Variants in SIPA1L2 observed in about 807,000 individuals in gnomAD.
SIPA1L2 encodes the protein signal induced proliferation associated 1 like 2.
Under a neutral mutation model 163.9 loss-of-function variants are expected in SIPA1L2, and 56 were observed. That is an observed-to-expected ratio of 0.34 (90% CI 0.28 to 0.43). The LOEUF (loss-of-function observed/expected upper bound fraction) is 0.43, where lower values mean the gene tolerates loss of function less well. Among genes scored for constraint, SIPA1L2 ranks in the 20% least tolerant of loss-of-function variants. SIPA1L2 has a pLI of 1.00. For missense variants in SIPA1L2, 1,974 were observed against 2,193.5 expected (o/e 0.90, Z 2.00); for synonymous variants, 877 against 865.7 (o/e 1.01, Z -0.23).
rs189596393 is a variant in SIPA1L2 at position 232,425,871 on chromosome 1, T to G, written c.4411-63A>C. ...TAAAAAAACGAATGCACGGGGCTTGTTGGACTAAGTCCAGTGGTTTCACAT... is the reference window on the plus strand; with the variant it reads ...TAAAAAAACGAATGCACGGGGCTTGGTGGACTAAGTCCAGTGGTTTCACAT... On this transcript the variant is annotated intron_variant, in intron 17 of 22. Transcript: ENST00000674635. 65 of 1,410,886 alleles carry G rather than the reference T, an allele frequency of 4.6e-5. No homozygotes were observed. In the Admixed American group the frequency reaches 6.3e-4, roughly 14 times the overall value. 87.4% of individuals were successfully genotyped at this position (1,410,886 alleles called of 1,614,324 possible). A position where few individuals can be genotyped will look rare whatever the true frequency, so the allele number is the denominator to read the frequency against.
intron 10 of SIPA1L2, among the ~76,000 whole-genome samples, chr1:232,451,582 G>T: frequency 6.6e-6 from 1 of 152,290 alleles, no homozygotes; most frequent in East Asian, 1.9e-4. Context: ...TTAAAGAAAA[G>T]ACTTTTGCTT....
At chr1:232,622,389 G>T (rs1037533561) in intron 1 of SIPA1L2, among the ~76,000 whole-genome samples, 1 of 152,214 alleles carries the variant, frequency 6.6e-6, no homozygotes, top group African/African-American at 2.4e-5. Flanking sequence ...TAAACATCAT[G>T]ATTTCCTGTA....
At chr1:232,422,565 G>C (rs1337325251) in intron 18 of SIPA1L2, among the ~76,000 whole-genome samples, 2 of 152,154 alleles carry the variant, frequency 1.3e-5, no homozygotes, top group East Asian at 3.9e-4. Context: ...AAATCTGATT[G>C]AGTCTCTCCT....
chr1:232,401,363 T>A (rs773634660), intron 22 of SIPA1L2, among the ~76,000 whole-genome samples: 5 of 152,224 alleles, frequency 3.3e-5, no homozygotes, highest in African/African-American at 4.8e-5. Context: ...CTTTAATTTA[T>A]GCTCCAAATT....
intron 2 of SIPA1L2, among the ~76,000 whole-genome samples, chr1:232,523,949 G>C (rs893305309): frequency 5.4e-4 from 82 of 152,246 alleles, no homozygotes; most frequent in African/African-American, 1.9e-3. Flanking sequence ...CCATACAACA[G>C]TCCAGTATTT....
intron 2 of SIPA1L2, among the ~76,000 whole-genome samples, chr1:232,564,068 G>T (rs1485932134): frequency 3.1e-5 from 4 of 129,880 alleles, no homozygotes; most frequent in Non-Finnish European, 6.1e-5. Flanking sequence ...ACTTCTTACA[G>T]GCATCAGCCA....
Position 232,503,893 on chromosome 1 carries a change from T to C in SIPA1L2, c.1483+9964A>G, listed in dbSNP as rs542170250. 4.6e-5 allele frequency among the ~76,000 whole-genome samples: 7 copies of C among 152,112 alleles called. No homozygotes were observed. In the South Asian group the frequency reaches 1.5e-3, roughly 32 times the overall value. On this transcript the variant is annotated intron_variant, in intron 3 of 22. Coordinates refer to ENST00000674635, the MANE Select transcript of SIPA1L2 (RefSeq NM_020808.5). ...TTTTTAAAAAGTGAAAAGGGGACAA[T>C]AAGTAAGTAAATGAGGGCAGGGCAT...
At chr1:232,625,547 T>C (rs1254665179) in intron 1 of SIPA1L2, among the ~76,000 whole-genome samples, 1 of 152,050 alleles carries the variant, frequency 6.6e-6, no homozygotes, top group Admixed American at 6.5e-5. Flanking sequence ...AAAAGGAAAC[T>C]CGTTGAGTCT....
intron 2 of SIPA1L2, among the ~76,000 whole-genome samples, chr1:232,519,193 G>C (rs1431595632): frequency 3.3e-5 from 5 of 152,150 alleles, no homozygotes; most frequent in Admixed American, 2.6e-4. Context: ...TTACAGACAT[G>C]TCTTCTAATT....
chr1:232,559,764 G>A (rs1052475428), intron 2 of SIPA1L2, among the ~76,000 whole-genome samples: 2 of 152,092 alleles, frequency 1.3e-5, no homozygotes, highest in Admixed American at 1.3e-4. Context: ...TAGGTTACCT[G>A]TATAAAACAA....
chr1:232,462,294 T>A, intron 9 of SIPA1L2: 1 of 1,549,904 alleles, frequency 6.5e-7, no homozygotes, highest in African/African-American at 1.4e-5. Flanking sequence ...TTGGGAGGTA[T>A]CATACTCCTA....
intron 1 of SIPA1L2, among the ~76,000 whole-genome samples, chr1:232,627,039 T>C (rs779863762): frequency 4.0e-5 from 6 of 151,616 alleles, no homozygotes; most frequent in Non-Finnish European, 4.4e-5. Context: ...TCATTGAAGT[T>C]CAAAACAGAA....
At chr1:232,442,552 G>GAAAAAAAAAAAAAAAAAAA (rs59025710) in intron 12 of SIPA1L2, among the ~76,000 whole-genome samples, 1 of 74,730 alleles carries the variant, frequency 1.3e-5, no homozygotes, top group African/African-American at 4.9e-5. Flanking sequence ...CATCTCAAAA[G>GAAAAAAAAAAAAAAAAAAA]AAAAAAAAAA....
chr1:232,471,557 A>G (rs200414059), intron 7 of SIPA1L2, 29 bp from the exon 8 acceptor site: 9 of 1,564,786 alleles, frequency 5.8e-6, no homozygotes, highest in African/African-American at 1.4e-5. Flanking sequence ...AGAGTTACAA[A>G]TAAGTTTTTC....
Position 232,509,065 on chromosome 1 carries a change from C to T in SIPA1L2, c.1483+4792G>A, listed in dbSNP as rs537690282. Among the ~76,000 whole-genome samples, 74 of 152,226 alleles carry T rather than the reference C, an allele frequency of 4.9e-4. 1 individual carries two copies. Among genetic ancestry groups the T allele is most frequent in the Non-Finnish European group, 9.6e-4 (65 of 68,044 alleles). ...CAAGATTGCGCCACTGCACGCCAGCCTGGGCAACAGAGCGAGACTCTGTCT... is the reference window on the plus strand; with the variant it reads ...CAAGATTGCGCCACTGCACGCCAGCTTGGGCAACAGAGCGAGACTCTGTCT... On this transcript the variant is annotated intron_variant, in intron 3 of 22. Transcript: ENST00000674635.
Position 232,538,576 on chromosome 1 carries a change from T to C in SIPA1L2, c.-269-22968A>G, listed in dbSNP as rs1009677893. 3.3e-5 allele frequency among the ~76,000 whole-genome samples: 5 copies of C among 152,104 alleles called. No homozygotes were observed. The East Asian group carries it at 9.6e-4, about 29-fold the overall frequency. On this transcript the variant is annotated intron_variant, in intron 2 of 22. Transcript: ENST00000674635. ...GGCACTCAAATGGCCTATGTAAAAT[T>C]ACTGGTTTCAAATTATCCAAAGAGA...
intron 1 of SIPA1L2, among the ~76,000 whole-genome samples, chr1:232,603,508 G>C (rs536100580): frequency 6.6e-6 from 1 of 152,274 alleles, no homozygotes; most frequent in Admixed American, 6.5e-5. Flanking sequence ...GTGTCACTCA[G>C]GGTCAAGAGG....
chr1:232,415,752 C>T, intron 18 of SIPA1L2, 127 bp from the exon 19 acceptor site: 3 of 1,310,370 alleles, frequency 2.3e-6, no homozygotes, highest in African/African-American at 1.5e-5. Context: ...CACCACTGCC[C>T]CCTCCCAGAG....
intron 21 of SIPA1L2, 108 bp from the exon 22 acceptor site, chr1:232,402,581 G>A: frequency 1.2e-6 from 1 of 825,154 alleles, no homozygotes; most frequent in Non-Finnish European, 1.9e-6. Context: ...AGCCCAGCAA[G>A]CAGATATATT....
Sources: gnomAD v4.1 joint callset for allele counts (sites outside exome capture counted in the v4.1 genomes callset) on GRCh38, gnomAD v4.1.1 for gene constraint, MANE v1.5 for transcripts, NCBI Gene and HGNC (gene_info 2026-07-23, HGNC 2026-07-21) for gene names.